LGR5: variants seen among roughly 807,000 people sequenced by gnomAD.
The protein encoded by LGR5 is leucine-rich repeat-containing G protein-coupled receptor 5.
In LGR5, 54 loss-of-function variants were observed where a neutral mutation model predicts 76.7. The observed-to-expected ratio is 0.70, with a 90% CI of 0.57 to 0.88. The LOEUF is 0.88. LGR5 is among the 40% of genes least tolerant of loss of function. LGR5 has a pLI of 0.00. For missense variants in LGR5, 1,078 were observed against 1,073.3 expected, an observed-to-expected ratio of 1.00 and a Z score of -0.06; for synonymous variants, 406 against 421.9, an observed-to-expected ratio of 0.96 and a Z score of 0.46.
chr12:71,498,667 G>A (rs746982678), intron 1 of LGR5, among the ~76,000 whole-genome samples: 6 of 152,088 alleles, frequency 3.9e-5, no homozygotes, highest in Non-Finnish European at 7.3e-5. Flanking sequence ...ACCACTTTAG[G>A]GATTCAGGGT....
rs35367098 is a variant in LGR5 at position 71,572,083 on chromosome 12, C to CTTT, written c.1136+517_1136+519dup. The stretch of plus-strand genomic sequence containing the variant: ...ATTGCCTCCCCTACAAAACATCAGC[C>CTTT]TTTTTTTTTTTTTTTCTCAAGATGG... On this transcript the variant is annotated intron_variant, in intron 12 of 17. Transcript: ENST00000266674. Among the ~76,000 whole-genome samples the CTTT allele has an allele frequency of 5.8e-5, 8 of 137,508 alleles. No homozygotes were observed. The South Asian group carries it at 7.0e-4, about 12-fold the overall frequency. The allele number at this position is 137,508 out of a possible 152,430, so 90.2% of individuals were successfully genotyped here.
At chr12:71,560,436 AAGAGG>A (rs1877998040) in intron 7 of LGR5, among the ~76,000 whole-genome samples, 1 of 152,134 alleles carries the variant, frequency 6.6e-6, no homozygotes, top group Admixed American at 6.5e-5. Context: ...GAGGAAGAGG[AAGAGG>A]AGATGTTTGT....
At chr12:71,577,023 C>T (rs1005742170) in intron 13 of LGR5, among the ~76,000 whole-genome samples, 2 of 152,170 alleles carry the variant, frequency 1.3e-5, no homozygotes, top group African/African-American at 4.8e-5. Flanking sequence ...GGACAGGTCC[C>T]TAAGGAACCT....
intron 1 of LGR5, among the ~76,000 whole-genome samples, chr12:71,468,405 G>A (rs548360780): frequency 6.6e-6 from 1 of 152,264 alleles, no homozygotes; most frequent in South Asian, 2.1e-4. Context: ...TGAAATAACA[G>A]CCCATGAATA....
chr12:71,514,179 A>T (rs1325445608), intron 2 of LGR5, among the ~76,000 whole-genome samples: 1 of 152,220 alleles, frequency 6.6e-6, no homozygotes, highest in Non-Finnish European at 1.5e-5. Context: ...TATAGGCTAC[A>T]TTGTATAGAA....
intron 2 of LGR5, among the ~76,000 whole-genome samples, chr12:71,521,620 A>G (rs961735187): frequency 2.0e-5 from 3 of 152,208 alleles, no homozygotes; most frequent in Non-Finnish European, 4.4e-5. Flanking sequence ...GATGCAAGGA[A>G]GACTGGAAAA....
chr12:71,477,211 T>C (rs1873374659), intron 1 of LGR5, among the ~76,000 whole-genome samples: 1 of 151,978 alleles, frequency 6.6e-6, no homozygotes, highest in African/African-American at 2.4e-5. Flanking sequence ...CAGGCAACTG[T>C]CTCCTCACCA....
At chr12:71,521,034 A>G (rs1242027888) in intron 2 of LGR5, among the ~76,000 whole-genome samples, 1 of 152,256 alleles carries the variant, frequency 6.6e-6, no homozygotes, top group Non-Finnish European at 1.5e-5. Context: ...GCTTGAAAGA[A>G]TAACATTTCT....
chr12:71,553,281 G>A lies in LGR5; in HGVS notation c.637G>A (p.Val213Ile). ...DYAFGNLSSLVVLHLHNNRIH... is the reference protein window; with the variant it reads ...DYAFGNLSSLIVLHLHNNRIH... ...TGCCTTTGGAAACCTCTCCAGCTTGGTAGTTCTGTAAGTTTTATTGATTTT... is the reference window on the plus strand; with the variant it reads ...TGCCTTTGGAAACCTCTCCAGCTTGATAGTTCTGTAAGTTTTATTGATTTT... The change falls in exon 5 of 18, where the codon GTA (valine) becomes ATA (isoleucine). Residue 213 changes from valine to isoleucine, a missense_variant. Coordinates refer to ENST00000266674, the MANE Select transcript of LGR5 (RefSeq NM_003667.4). 1 of 1,613,134 alleles carries A rather than the reference G, an allele frequency of 6.2e-7. No homozygotes were observed. The highest frequency in any genetic ancestry group is 8.5e-7 in the Non-Finnish European group (1 of 1,179,256).
At chr12:71,482,002 T>C (rs1873628799) in intron 1 of LGR5, among the ~76,000 whole-genome samples, 1 of 152,152 alleles carries the variant, frequency 6.6e-6, no homozygotes, top group Non-Finnish European at 1.5e-5. Flanking sequence ...CATTGTCCAA[T>C]TATAAAGTAA....
intron 12 of LGR5, among the ~76,000 whole-genome samples, chr12:71,571,981 G>A (rs773276247): frequency 6.6e-5 from 10 of 152,062 alleles, no homozygotes; most frequent in Non-Finnish European, 1.2e-4. Flanking sequence ...CAACTTTAGG[G>A]GAAGGCCATA....
chr12:71,475,652 C>T (rs148394896), intron 1 of LGR5, among the ~76,000 whole-genome samples: 1 of 152,178 alleles, frequency 6.6e-6, no homozygotes, highest in Non-Finnish European at 1.5e-5. Flanking sequence ...CTCATCCCCC[C>T]CTTATCATAG....
chr12:71,530,761 C>A (rs1876262611), intron 3 of LGR5, among the ~76,000 whole-genome samples: 1 of 152,106 alleles, frequency 6.6e-6, no homozygotes, highest in Non-Finnish European at 1.5e-5. Flanking sequence ...AAAACCAAAG[C>A]CACATGGAGG....
At chr12:71,453,277 A>G (rs758230205) in intron 1 of LGR5, among the ~76,000 whole-genome samples, 23 of 152,306 alleles carry the variant, frequency 1.5e-4, no homozygotes, top group Admixed American at 2.6e-4. Context: ...ATGAGGTTTC[A>G]TATTTGCACA....
chr12:71,453,183 A>C (rs1419644305), intron 1 of LGR5, among the ~76,000 whole-genome samples: 1 of 152,216 alleles, frequency 6.6e-6, no homozygotes, highest in Non-Finnish European at 1.5e-5. Context: ...ATTTGGCATC[A>C]CCCAACAACT....
chr12:71,575,297 A>G (rs1878799862), intron 13 of LGR5, among the ~76,000 whole-genome samples: 1 of 152,222 alleles, frequency 6.6e-6, no homozygotes, highest in Non-Finnish European at 1.5e-5. Context: ...TATTATTATG[A>G]AAATAAGTAT....
intron 13 of LGR5, among the ~76,000 whole-genome samples, chr12:71,575,100 T>G (rs1164847125): frequency 2.0e-5 from 3 of 152,194 alleles, no homozygotes; most frequent in Non-Finnish European, 4.4e-5. Context: ...TACTCTGTAA[T>G]TTATTACTCA....
chr12:71,552,943 G>A (rs764469531), intron 4 of LGR5, 130 bp from the exon 5 acceptor site: 14 of 690,436 alleles, frequency 2.0e-5, no homozygotes, highest in African/African-American at 3.6e-5. Flanking sequence ...TGCTCCAGAT[G>A]TCAGGGCTCT....
chr12:71,584,262 T>C lies in LGR5; in HGVS notation c.2252T>C (p.Leu751Ser). ...GCCTACACCAAGCTCTACTGCAATTTGGACAAGGGAGACCTGGAGAATATT... is the reference window on the plus strand; with the variant it reads ...GCCTACACCAAGCTCTACTGCAATTCGGACAAGGGAGACCTGGAGAATATT... ...TIAYTKLYCNLDKGDLENIWD... is the reference protein window; with the variant it reads ...TIAYTKLYCNSDKGDLENIWD... Residue 751 changes from leucine to serine, a missense_variant, in exon 18 of 18, where the codon TTG becomes TCG. Transcript: ENST00000266674. 1 of 1,614,230 alleles carries C rather than the reference T, an allele frequency of 6.2e-7. No individual in the cohort carries two copies. Among genetic ancestry groups the C allele is most frequent in the East Asian group, 2.2e-5 (1 of 44,882 alleles).
Sources: allele counts gnomAD v4.1 joint callset (sites outside exome capture counted in the v4.1 genomes callset), GRCh38; gene constraint gnomAD v4.1.1; transcripts MANE v1.5; gene names NCBI Gene and HGNC (gene_info 2026-07-23, HGNC 2026-07-21).